Variants in SCN11A observed in about 807,000 individuals in gnomAD.
The protein encoded by SCN11A is sodium channel protein type 11 subunit alpha.
Under a neutral mutation model 162.2 loss-of-function variants are expected in SCN11A, and 122 were observed. The ratio of observed to expected loss-of-function variants is 0.75; its 90% confidence interval spans 0.65 to 0.87. The LOEUF is 0.87. Among genes scored for constraint, SCN11A ranks in the 40% least tolerant of loss-of-function variants. SCN11A has a pLI of 0.00. For synonymous variants in SCN11A, 758 were observed against 751.5 expected (o/e 1.01, Z -0.14); for missense variants, 2,015 against 2,181.6 (o/e 0.92, Z 1.52).
rs200175925 is a variant in SCN11A at position 38,904,041 on chromosome 3, C to G, written c.1666G>C (p.Val556Leu). Residue 556 changes from valine to leucine, a missense_variant, in exon 16 of 30, where the codon GTG (valine) becomes CTG (leucine). Transcript: ENST00000302328. ...AGCCACTGGGGGCAACAGTTCCACA[C>G]GAGGTACTTGGATGCCAGGTTTTCT... ...CGENLASKYLVWNCCPQWLCV... is the reference protein window; with the variant it reads ...CGENLASKYLLWNCCPQWLCV... 2.5e-6 allele frequency: 4 copies of G among 1,606,508 alleles called. No homozygotes were observed. Among genetic ancestry groups the G allele is most frequent in the African/African-American group, 1.3e-5 (1 of 74,456 alleles).
intron 22 of SCN11A, among the ~76,000 whole-genome samples, chr3:38,880,553 C>T (rs2065292127): frequency 6.6e-6 from 1 of 152,114 alleles, no homozygotes; most frequent in African/African-American, 2.4e-5. Context: ...TTGCTTATAA[C>T]ATTAAGTCCA....
chr3:38,970,312 G>A (rs1216405832), intron 2 of SCN11A, among the ~76,000 whole-genome samples: 3 of 151,880 alleles, frequency 2.0e-5, no homozygotes, highest in Non-Finnish European at 4.4e-5. Context: ...GTAATTTTTT[G>A]CATGCATGCC....
chr3:38,946,884 C>T lies in SCN11A; in HGVS notation c.291G>A (p.Lys97=). 1.2e-6 allele frequency: 2 copies of T among 1,612,638 alleles called. No homozygotes were observed. Among genetic ancestry groups the T allele is most frequent in the Admixed American group, 3.3e-5 (2 of 59,730 alleles). The change falls in exon 6 of 30, where the codon AAG becomes AAA. Residue 97 remains lysine, a synonymous_variant. Coordinates refer to ENST00000302328, the MANE Select transcript of SCN11A (RefSeq NM_001349253.2). ...TGGCACTGAAGCGGTAGATTGTCCT[C>T]TTTCTGTTTAACACCATAAATGTCT... ...NHKTFMVLNR[K]RTIYRFSAKH...
intron 11 of SCN11A, among the ~76,000 whole-genome samples, chr3:38,919,116 T>C (rs762992924): frequency 2.0e-5 from 3 of 152,204 alleles, no homozygotes; most frequent in Admixed American, 6.5e-5. Flanking sequence ...TATAGTATTA[T>C]AATTTTATGG....
intron 17 of SCN11A, among the ~76,000 whole-genome samples, chr3:38,897,700 G>GC (rs147840785): frequency 0.063 from 9,028 of 144,226 alleles, 877 homozygotes; most frequent in African/African-American, 0.21. Flanking sequence ...TGGAGACAGA[G>GC]CAAGACTCCA....
At chr3:38,855,468 C>T (rs1371458255) in intron 28 of SCN11A, among the ~76,000 whole-genome samples, 3 of 152,094 alleles carry the variant, frequency 2.0e-5, no homozygotes, top group Non-Finnish European at 4.4e-5. Flanking sequence ...AGACATAAAC[C>T]CTTGGGAGTT....
chr3:38,872,124 A>G (rs550415893), intron 24 of SCN11A, 69 bp downstream of exon 24: 10 of 965,026 alleles, frequency 1.0e-5, no homozygotes, highest in East Asian at 2.4e-5. Flanking sequence ...TCTCAGCCCA[A>G]AAAGAACTGT....
In SCN11A at chr3:38,847,096, A is replaced by G. The variant is rs966554193; in HGVS notation, c.4974T>C (p.Arg1658=). 16 of 1,614,204 alleles carry G rather than the reference A, an allele frequency of 9.9e-6. No homozygotes were observed. Among genetic ancestry groups the G allele is most frequent in the Non-Finnish European group, 1.3e-5 (15 of 1,180,048 alleles). Residue 1658 remains arginine (R), a synonymous_variant, in exon 30 of 30, where the codon CGT becomes CGC. Transcript: ENST00000302328. ...ATTGATATTTATTTGGCTTTGCGACACGCAAAGGCTCAGGCAAGGCATCAG... is the reference window on the plus strand; with the variant it reads ...ATTGATATTTATTTGGCTTTGCGACGCGCAAAGGCTCAGGCAAGGCATCAG... ...DFADALPEPL[R]VAKPNKYQFL...
At chr3:38,893,036 T>G (rs1184014584) in intron 19 of SCN11A, among the ~76,000 whole-genome samples, 1 of 152,116 alleles carries the variant, frequency 6.6e-6, no homozygotes, top group African/African-American at 2.4e-5. Flanking sequence ...TAAATATGAA[T>G]GGTTTAACCA....
chr3:38,856,625 C>T (rs933048638), intron 28 of SCN11A, among the ~76,000 whole-genome samples: 12 of 152,172 alleles, frequency 7.9e-5, no homozygotes, highest in Non-Finnish European at 1.3e-4. Context: ...CATTTACCCA[C>T]CTGCCTTAGC....
At chr3:38,869,975 A>C (rs558528611) in intron 26 of SCN11A, among the ~76,000 whole-genome samples, 1 of 152,270 alleles carries the variant, frequency 6.6e-6, no homozygotes, top group South Asian at 2.1e-4. Context: ...TTAGGCATCA[A>C]CTCTGCAGAC....
intron 2 of SCN11A, among the ~76,000 whole-genome samples, chr3:38,988,854 C>A (rs2030353965): frequency 6.6e-6 from 1 of 152,132 alleles, no homozygotes; most frequent in Admixed American, 6.5e-5. Flanking sequence ...CCTGCTGACT[C>A]CTACTACAAC....
At chr3:38,929,170 CACAT>C (rs531220361) in intron 7 of SCN11A, among the ~76,000 whole-genome samples, 8,741 of 57,684 alleles carry the variant, frequency 0.15, 367 homozygotes, top group East Asian at 0.38. Context: ...CACACACACA[CACAT>C]GTTTGGGACT....
At chr3:38,965,651 G>A (rs2066776979) in intron 2 of SCN11A, among the ~76,000 whole-genome samples, 1 of 152,010 alleles carries the variant, frequency 6.6e-6, no homozygotes, top group African/African-American at 2.4e-5. Context: ...TTCTTCTCAC[G>A]CATTTCCCAA....
chr3:38,973,646 T>G (rs529065014), intron 2 of SCN11A, among the ~76,000 whole-genome samples: 13 of 152,296 alleles, frequency 8.5e-5, no homozygotes, highest in African/African-American at 1.2e-4. Flanking sequence ...AAAGCTCTGA[T>G]GATTTAAGCA....
chr3:38,976,887 C>G (rs2066853151), intron 2 of SCN11A, among the ~76,000 whole-genome samples: 2 of 152,200 alleles, frequency 1.3e-5, no homozygotes, highest in South Asian at 4.1e-4. Flanking sequence ...TGAATAATGA[C>G]AGACATTTTA....
chr3:38,979,787 C>T (rs1193388317), intron 2 of SCN11A, among the ~76,000 whole-genome samples: 1 of 152,188 alleles, frequency 6.6e-6, no homozygotes, highest in Non-Finnish European at 1.5e-5. Context: ...AATGGATTCT[C>T]TAACAGGCAC....
intron 1 of SCN11A, among the ~76,000 whole-genome samples, chr3:39,044,901 A>G (rs1210864316): frequency 6.6e-6 from 1 of 151,734 alleles, no homozygotes; most frequent in Non-Finnish European, 1.5e-5. Context: ...AATATCCACA[A>G]ACCACTAGCT....
At chr3:39,009,846 T>TA (rs1050261071) in intron 2 of SCN11A, among the ~76,000 whole-genome samples, 2 of 107,600 alleles carry the variant, frequency 1.9e-5, no homozygotes, top group African/African-American at 4.1e-5. Context: ...TCAGCTAATT[T>TA]TTTTTTTTTT....
Sources: allele counts gnomAD v4.1 joint callset (sites outside exome capture counted in the v4.1 genomes callset), GRCh38; gene constraint gnomAD v4.1.1; transcripts MANE v1.5; gene names NCBI Gene and HGNC (gene_info 2026-07-23, HGNC 2026-07-21).